Variants in LRRC69 observed in about 807,000 individuals in gnomAD.
LRRC69 encodes the protein leucine rich repeat containing 69.
LRRC69 carries 42 observed loss-of-function variants against 37.8 expected under a neutral mutation model. The ratio of observed to expected loss-of-function variants is 1.11; its 90% CI spans 0.87 to 1.44. The LOEUF is 1.44. Ranked by LOEUF, LRRC69 falls within the 40% of genes most tolerant of loss-of-function variation. The pLI, the probability that LRRC69 is intolerant of heterozygous loss-of-function variation, is 0.00. For synonymous variants in LRRC69, 141 were observed against 143.1 expected (o/e 0.99, Z 0.11); for missense variants, 357 against 401.9 (o/e 0.89, Z 0.96).
intron 4 of LRRC69, 22 bp downstream of exon 4, chr8:91,133,327 A>C: frequency 3.4e-6 from 5 of 1,474,948 alleles, no homozygotes; most frequent in Non-Finnish European, 4.5e-6. Context: ...ATGGAACCAC[A>C]GTAGTTTGCT....
At chr8:91,197,192 C>A (rs367696412) in intron 6 of LRRC69, among the ~76,000 whole-genome samples, 11 of 152,252 alleles carry the variant, frequency 7.2e-5, no homozygotes, top group Non-Finnish European at 1.3e-4. Flanking sequence ...GGAGGCAGTC[C>A]GCCCATTCTC....
At chr8:91,157,725 G>A in intron 5 of LRRC69, 1 of 1,604,426 alleles carries the variant, frequency 6.2e-7, no homozygotes, top group Non-Finnish European at 8.5e-7. Context: ...GTGAACCAAT[G>A]CAGGTGGCAG....
chr8:91,186,301 G>A (rs1403364423), intron 5 of LRRC69, among the ~76,000 whole-genome samples: 2 of 152,186 alleles, frequency 1.3e-5, no homozygotes, highest in South Asian at 2.1e-4. Context: ...TTGTCTCAGA[G>A]TATTTATAGG....
intron 5 of LRRC69, among the ~76,000 whole-genome samples, chr8:91,145,713 A>G (rs760064515): frequency 1.3e-5 from 2 of 151,838 alleles, no homozygotes; most frequent in Non-Finnish European, 2.9e-5. Flanking sequence ...CTTAGCTAAT[A>G]TAGAATTAGT....
At chr8:91,203,480 T>C (rs1809744528) in intron 7 of LRRC69, among the ~76,000 whole-genome samples, 1 of 151,542 alleles carries the variant, frequency 6.6e-6, no homozygotes, top group South Asian at 2.1e-4. Flanking sequence ...GCAACCTCCA[T>C]CTCCTGTGTT....
chr8:91,145,872 T>G (rs1808610762), intron 5 of LRRC69, among the ~76,000 whole-genome samples: 1 of 151,832 alleles, frequency 6.6e-6, no homozygotes, highest in Non-Finnish European at 1.5e-5. Flanking sequence ...ATTCTAAAAT[T>G]TCATGGGGTA....
At chr8:91,175,012 G>A (rs1250543648) in intron 5 of LRRC69, among the ~76,000 whole-genome samples, 3 of 152,110 alleles carry the variant, frequency 2.0e-5, no homozygotes, top group African/African-American at 7.2e-5. Context: ...ACCCATGAAG[G>A]TTATTTGGAG....
intron 7 of LRRC69, chr8:91,206,651 C>T (rs1161809539): frequency 7.8e-7 from 1 of 1,285,610 alleles, no homozygotes; most frequent in Non-Finnish European, 1.0e-6. Context: ...CTCTCAAAAC[C>T]ATCTGATGTG....
intron 7 of LRRC69, among the ~76,000 whole-genome samples, chr8:91,207,435 T>C (rs1431966879): frequency 6.6e-6 from 1 of 152,186 alleles, no homozygotes; most frequent in Admixed American, 6.5e-5. Flanking sequence ...AAAGAGAGAA[T>C]GATTGCATTC....
exon 2 of LRRC69, chr8:91,124,617 G>A: frequency 6.5e-7 from 1 of 1,530,678 alleles, no homozygotes; most frequent in East Asian, 2.5e-5. Context: ...CCTGGAGCCT[G>A]TGGTAATTTA....
chr8:91,112,705 T>C (rs1404900560), intron 1 of LRRC69, among the ~76,000 whole-genome samples: 2 of 151,986 alleles, frequency 1.3e-5, no homozygotes, highest in Non-Finnish European at 2.9e-5. Flanking sequence ...TTCTCTACTT[T>C]TCAACATAGT....
At chr8:91,106,878 G>A (rs973729304) in intron 1 of LRRC69, among the ~76,000 whole-genome samples, 1 of 151,086 alleles carries the variant, frequency 6.6e-6, no homozygotes, top group Non-Finnish European at 1.5e-5. Context: ...CTGCAGGCTC[G>A]AACTCCTGTG....
chr8:91,165,804 T>C (rs1809018019), intron 5 of LRRC69, among the ~76,000 whole-genome samples: 1 of 151,814 alleles, frequency 6.6e-6, no homozygotes, highest in Non-Finnish European at 1.5e-5. Context: ...ATTCTGACAA[T>C]ACTTATGGTT....
intron 5 of LRRC69, among the ~76,000 whole-genome samples, chr8:91,178,251 AAGAGT>A (rs1231791723): frequency 6.6e-6 from 1 of 152,218 alleles, no homozygotes; most frequent in African/African-American, 2.4e-5. Context: ...AGTAGTTGGA[AAGAGT>A]CCAGGCCTAG....
At chr8:91,118,496 G>A (rs916071845) in intron 1 of LRRC69, 6 of 283,522 alleles carry the variant, frequency 2.1e-5, no homozygotes, top group African/African-American at 4.7e-5. Flanking sequence ...GCCAATGCAC[G>A]CCAGCCTGGG....
At chr8:91,144,770 C>A (rs1199484460) in intron 5 of LRRC69, among the ~76,000 whole-genome samples, 1 of 151,888 alleles carries the variant, frequency 6.6e-6, no homozygotes, top group Non-Finnish European at 1.5e-5. Context: ...TGGTACATAC[C>A]CTGGTTTACT....
At chr8:91,189,482 TA>T in intron 5 of LRRC69, 39 bp from the exon 6 acceptor site, 1 of 1,292,078 alleles carries the variant, frequency 7.7e-7, no homozygotes, top group East Asian at 2.5e-5. Context: ...GTAGTTTCAT[TA>T]TTTTGTTGTG....
intron 5 of LRRC69, among the ~76,000 whole-genome samples, chr8:91,167,172 A>T (rs1383385591): frequency 6.6e-6 from 1 of 151,894 alleles, no homozygotes; most frequent in Non-Finnish European, 1.5e-5. Context: ...TATGCTGTTA[A>T]TAAAGACATA....
At chr8:91,164,756 G>A (rs1243685442) in intron 5 of LRRC69, among the ~76,000 whole-genome samples, 1 of 151,538 alleles carries the variant, frequency 6.6e-6, no homozygotes, top group Non-Finnish European at 1.5e-5. Flanking sequence ...AAAAGATTAA[G>A]GTACTTTTCT....
Sources: gnomAD v4.1 joint callset for allele counts (sites outside exome capture counted in the v4.1 genomes callset) on GRCh38, gnomAD v4.1.1 for gene constraint, MANE v1.5 for transcripts, NCBI Gene and HGNC (gene_info 2026-07-23, HGNC 2026-07-21) for gene names.